The following ABCA12 variants were observed in gnomAD, a reference collection of about 807,000 sequenced individuals.
ABCA12 encodes glucosylceramide transporter ABCA12.
Under a neutral mutation model 293.5 loss-of-function variants are expected in ABCA12, and 156 were observed. The ratio of observed to expected loss-of-function variants is 0.53; its 90% CI spans 0.47 to 0.61. ABCA12 has a LOEUF of 0.61. Among genes scored for constraint, ABCA12 ranks in the 20% least tolerant of loss-of-function variants. The pLI is 0.00. For missense variants in ABCA12, 2,797 were observed against 3,090.2 expected, an observed-to-expected ratio of 0.91 and a Z score of 2.25; for synonymous variants, 1,063 against 1,108.0, an observed-to-expected ratio of 0.96 and a Z score of 0.81.
chr2:214,950,827 C>T, intron 45 of ABCA12, 52 bp downstream of exon 45: 1 of 1,573,580 alleles, frequency 6.4e-7, no homozygotes, highest in Non-Finnish European at 8.7e-7. Flanking sequence ...TTTAATTTGT[C>T]ACATAGTATG....
chr2:215,071,255 TAAAAA>T (rs1553540287), intron 2 of ABCA12, among the ~76,000 whole-genome samples: 8 of 118,450 alleles, frequency 6.8e-5, no homozygotes, highest in Admixed American at 4.2e-4. Flanking sequence ...TAAAATAAAA[TAAAAA>T]ATAAATCTTC....
At chr2:215,104,741 A>G (rs1702427564) in intron 2 of ABCA12, among the ~76,000 whole-genome samples, 1 of 152,242 alleles carries the variant, frequency 6.6e-6, no homozygotes, top group Non-Finnish European at 1.5e-5. Context: ...TTCTTAAGCA[A>G]GAAGCAGGCT....
At chr2:214,956,571 T>A in intron 42 of ABCA12, 92 bp downstream of exon 42, 1 of 918,822 alleles carries the variant, frequency 1.1e-6, no homozygotes, top group Non-Finnish European at 1.8e-6. Context: ...CCCAAGACAA[T>A]TGTAATTTAG....
Position 214,953,882 on chromosome 2 carries a change from T to A in ABCA12, c.6619A>T (p.Ile2207Phe). The change falls in exon 44 of 53, where the codon ATC (isoleucine) becomes TTC (phenylalanine). Residue 2207 changes from isoleucine to phenylalanine, a missense_variant. Ile to Phe is a conservative substitution (Grantham distance 21). Transcript: ENST00000272895. ...GTMFFSLRLLINESLIKKLRL... is the reference protein window; with the variant it reads ...GTMFFSLRLLFNESLIKKLRL... ...AGTTTCTTTATCAGGGATTCGTTGATTAAGAGTCGCAAGGAAAAAAACATG... is the reference window on the plus strand; with the variant it reads ...AGTTTCTTTATCAGGGATTCGTTGAATAAGAGTCGCAAGGAAAAAAACATG... 1 of 1,613,982 alleles carries A rather than the reference T, an allele frequency of 6.2e-7. No homozygotes were observed. Among genetic ancestry groups the A allele is most frequent in the Non-Finnish European group, 8.5e-7 (1 of 1,179,946 alleles).
At chr2:214,990,401 G>A (rs1388349939) in intron 24 of ABCA12, among the ~76,000 whole-genome samples, 3 of 152,130 alleles carry the variant, frequency 2.0e-5, no homozygotes, top group Admixed American at 6.5e-5. Flanking sequence ...TTCAGGAATT[G>A]GTCCAGAGAG....
chr2:215,064,634 A>C (rs1384617184), intron 2 of ABCA12, among the ~76,000 whole-genome samples: 1 of 151,892 alleles, frequency 6.6e-6, no homozygotes, highest in African/African-American at 2.4e-5. Context: ...ACACATTGTT[A>C]GTTTAAAAGA....
chr2:215,004,636 CAA>C, intron 19 of ABCA12: 1 of 210,972 alleles, frequency 4.7e-6, no homozygotes, highest in South Asian at 7.9e-5. Context: ...ATACTATACA[CAA>C]TGTTGTGATT....
At position 215,063,478 on chromosome 2, in the gene ABCA12, G is replaced by A. The variant is rs537909191; in HGVS notation, c.317+588C>T. The stretch of plus-strand genomic sequence containing the variant: ...GCAAGGAAAATTGAAGTTGTAAATG[G>A]TCAGGTTGTTAATGGCTTAGATTCC... On this transcript the variant is annotated intron_variant, in intron 3 of 52. Transcript: ENST00000272895. Among the ~76,000 whole-genome samples, 5 of 152,060 alleles carry A rather than the reference G, an allele frequency of 3.3e-5. No individual in the cohort carries two copies. In the East Asian group the frequency reaches 7.8e-4, roughly 24 times the overall value.
At position 215,067,210 on chromosome 2, in the gene ABCA12, C is replaced by A. The variant is rs114517868; in HGVS notation, c.164-2991G>T. ...ATTCTATCCTTGAAGGTGTTTCTGG[C>A]ACTTTCAGTTCTGAAATTACATTCC... On this transcript the variant is annotated intron_variant, in intron 2 of 52. Transcript: ENST00000272895. 5.1e-3 allele frequency among the ~76,000 whole-genome samples: 784 copies of A among 152,242 alleles called. 5 individuals carry two copies. Among genetic ancestry groups the A allele is most frequent in the Middle Eastern group, 0.01 (3 of 294 alleles).
intron 2 of ABCA12, among the ~76,000 whole-genome samples, chr2:215,091,829 G>T (rs1473937573): frequency 2.0e-5 from 3 of 152,228 alleles, no homozygotes; most frequent in African/African-American, 7.2e-5. Context: ...GTGGCCAGGT[G>T]TTCCTCCAGG....
At chr2:214,947,359 C>G in intron 48 of ABCA12, 63 bp downstream of exon 48, 2 of 1,602,936 alleles carry the variant, frequency 1.2e-6, no homozygotes, top group South Asian at 2.2e-5. Context: ...GAAATGTTAA[C>G]ACATGCAATC....
chr2:215,120,344 A>G (rs1490276407), intron 1 of ABCA12, among the ~76,000 whole-genome samples: 2 of 152,176 alleles, frequency 1.3e-5, no homozygotes, highest in Non-Finnish European at 2.9e-5. Context: ...CTTGGATGCA[A>G]TATACTCATC....
At chr2:215,074,244 A>G (rs1559179136) in intron 2 of ABCA12, among the ~76,000 whole-genome samples, 1 of 152,228 alleles carries the variant, frequency 6.6e-6, no homozygotes, top group Non-Finnish European at 1.5e-5. Context: ...GTCTTACATA[A>G]GAAAATATTT....
At chr2:214,974,654 C>T in intron 35 of ABCA12, 124 bp downstream of exon 35, 1 of 909,486 alleles carries the variant, frequency 1.1e-6, no homozygotes, top group Non-Finnish European at 1.8e-6. Context: ...ATCTGTTAAA[C>T]AGGGATTTCT....
intron 3 of ABCA12, among the ~76,000 whole-genome samples, chr2:215,061,458 G>C (rs935873605): frequency 6.6e-6 from 1 of 151,998 alleles, no homozygotes; most frequent in African/African-American, 2.4e-5. Flanking sequence ...TTATAGAACA[G>C]AAAAGGAAGA....
At chr2:215,103,535 T>G (rs1018844968) in intron 2 of ABCA12, among the ~76,000 whole-genome samples, 5 of 152,054 alleles carry the variant, frequency 3.3e-5, no homozygotes, top group Non-Finnish European at 7.4e-5. Flanking sequence ...CTCCCACAAG[T>G]GCTGGGATTA....
At chr2:215,088,325 CA>C (rs1702079670) in intron 2 of ABCA12, among the ~76,000 whole-genome samples, 1 of 151,972 alleles carries the variant, frequency 6.6e-6, no homozygotes, top group Non-Finnish European at 1.5e-5. Flanking sequence ...TTTGGAAGGA[CA>C]AATTGACAGA....
At chr2:214,962,312 C>A (rs1053305205) in intron 39 of ABCA12, 3 of 152,072 alleles carry the variant, frequency 2.0e-5, no homozygotes, top group Admixed American at 1.3e-4. Context: ...AATAAACAGG[C>A]AGGAGTCAGA....
chr2:215,076,564 A>T (rs919082193), intron 2 of ABCA12, among the ~76,000 whole-genome samples: 1 of 152,186 alleles, frequency 6.6e-6, no homozygotes, highest in Admixed American at 6.5e-5. Context: ...ATGGTGGGGA[A>T]AAGTAAATTG....
Sources: allele counts gnomAD v4.1 joint callset (sites outside exome capture counted in the v4.1 genomes callset), GRCh38; gene constraint gnomAD v4.1.1; transcripts MANE v1.5; gene names NCBI Gene and HGNC (gene_info 2026-07-23, HGNC 2026-07-21).